SAMD5: variants seen among roughly 807,000 people sequenced by gnomAD.
The protein encoded by SAMD5 is sterile alpha motif domain-containing protein 5.
In SAMD5, 13 loss-of-function variants were observed where a neutral mutation model predicts 11.3. The observed-to-expected ratio is 1.15, with a 90% CI of 0.75 to 1.83. SAMD5 has a LOEUF of 1.83. Ranked by LOEUF, SAMD5 falls within the 40% of genes most tolerant of loss-of-function variation. The pLI, the probability that SAMD5 is intolerant of heterozygous loss-of-function variation, is 0.00. For missense variants in SAMD5, 255 were observed against 239.1 expected, an observed-to-expected ratio of 1.07 and a Z score of -0.44; for synonymous variants, 129 against 111.3, an observed-to-expected ratio of 1.16 and a Z score of -1.00.
At chr6:147,648,673 G>A (rs1024645265) in intron 1 of SAMD5, among the ~76,000 whole-genome samples, 10 of 152,202 alleles carry the variant, frequency 6.6e-5, no homozygotes, top group African/African-American at 2.2e-4. Context: ...TGGAGATGAT[G>A]TGTCTAAAAT....
At chr6:147,562,831 T>A (rs9322100) in intron 1 of SAMD5, among the ~76,000 whole-genome samples, 77,197 of 150,068 alleles carry the variant, frequency 0.51, 19,877 homozygotes, top group East Asian at 0.66. Flanking sequence ...CAAAAAAAAA[T>A]AAATAAATAA....
chr6:147,704,447 T>C (rs188090477), intron 1 of SAMD5, among the ~76,000 whole-genome samples: 2 of 152,164 alleles, frequency 1.3e-5, no homozygotes, highest in East Asian at 3.9e-4. Flanking sequence ...ACATGTCAAA[T>C]AGAAACTGAT....
the SAMD5 span, among the ~76,000 whole-genome samples, chr6:147,929,947 T>G: frequency 4.6e-5 from 7 of 152,190 alleles, no homozygotes; most frequent in African/African-American, 1.7e-4. Context: ...GCATTTAAAA[T>G]GTATGTGAGG....
At chr6:147,894,169 G>A in the SAMD5 span, among the ~76,000 whole-genome samples, 1 of 149,714 alleles carries the variant, frequency 6.7e-6, no homozygotes. Context: ...CTGTCACCAG[G>A]CTGGAGTGCA....
chr6:147,592,445 C>T (rs1384801359), intron 1 of SAMD5, among the ~76,000 whole-genome samples: 1 of 152,052 alleles, frequency 6.6e-6, no homozygotes, highest in East Asian at 1.9e-4. Flanking sequence ...TCAGGGATGG[C>T]TCCCAGAGGA....
At chr6:147,883,378 C>T in the SAMD5 span, among the ~76,000 whole-genome samples, 1 of 152,266 alleles carries the variant, frequency 6.6e-6, no homozygotes, top group African/African-American at 2.4e-5. Flanking sequence ...TGTAATTTGG[C>T]ATTATGATGC....
chr6:147,909,575 T>TTCCTTCCTTCCTTCCTTCCTTCCTTC, the SAMD5 span, among the ~76,000 whole-genome samples: 3 of 57,088 alleles, frequency 5.3e-5, no homozygotes, highest in African/African-American at 3.3e-4. Flanking sequence ...TTTCTTTCTT[T>TTCCTTCCTTCCTTCCTTCCTTCCTTC]CTTTCTTTCT....
chr6:147,678,173 G>A (rs918446458), intron 1 of SAMD5, among the ~76,000 whole-genome samples: 2 of 152,014 alleles, frequency 1.3e-5, no homozygotes, highest in Admixed American at 6.6e-5. Flanking sequence ...TTATCTTCTC[G>A]TTTGCACATT....
At chr6:147,757,955 A>C in the SAMD5 span, among the ~76,000 whole-genome samples, 2 of 152,152 alleles carry the variant, frequency 1.3e-5, no homozygotes, top group Non-Finnish European at 2.9e-5. Context: ...CATTCAACTG[A>C]ATGAAATCAT....
chr6:147,935,036 G>C, the SAMD5 span, among the ~76,000 whole-genome samples: 2 of 151,912 alleles, frequency 1.3e-5, no homozygotes, highest in Admixed American at 1.3e-4. Flanking sequence ...TTAAACAAAT[G>C]TATGACATTG....
intron 1 of SAMD5, among the ~76,000 whole-genome samples, chr6:147,709,924 C>A (rs1791373141): frequency 6.6e-6 from 1 of 152,182 alleles, no homozygotes; most frequent in Non-Finnish European, 1.5e-5. Context: ...CTTGCCGCTT[C>A]TGCCTAAAAC....
chr6:147,777,750 G>T, the SAMD5 span, among the ~76,000 whole-genome samples: 2 of 151,852 alleles, frequency 1.3e-5, no homozygotes, highest in Non-Finnish European at 2.9e-5. Flanking sequence ...CCTCATATAC[G>T]TGGAATCATA....
intron 1 of SAMD5, among the ~76,000 whole-genome samples, chr6:147,604,901 A>T (rs1433339272): frequency 6.6e-6 from 1 of 152,216 alleles, no homozygotes; most frequent in Non-Finnish European, 1.5e-5. Context: ...TTAATAAAAA[A>T]GATAGTGGGG....
At chr6:147,543,567 AG>A (rs758776956) in intron 1 of SAMD5, among the ~76,000 whole-genome samples, 1 of 152,230 alleles carries the variant, frequency 6.6e-6, no homozygotes, top group Non-Finnish European at 1.5e-5. Context: ...TACTTGAGAA[AG>A]GATACCTTGT....
chr6:147,954,289 T>C, the SAMD5 span, among the ~76,000 whole-genome samples: 761 of 152,298 alleles, frequency 5.0e-3, 5 homozygotes, highest in African/African-American at 0.017. Context: ...CATTTTAGGA[T>C]ACCAGATTGA....
intron 1 of SAMD5, among the ~76,000 whole-genome samples, chr6:147,607,473 A>C (rs907634233): frequency 6.6e-6 from 1 of 152,200 alleles, no homozygotes; most frequent in Non-Finnish European, 1.5e-5. Flanking sequence ...ACTGGCATTA[A>C]AAACAGACAC....
intron 1 of SAMD5, among the ~76,000 whole-genome samples, chr6:147,684,013 A>C (rs758396552): frequency 1.3e-5 from 2 of 152,202 alleles, no homozygotes; most frequent in Admixed American, 6.5e-5. Flanking sequence ...ATGAACATAC[A>C]TCTTGATCAG....
chr6:147,942,778 A>G, the SAMD5 span, among the ~76,000 whole-genome samples: 3 of 151,958 alleles, frequency 2.0e-5, no homozygotes, highest in Non-Finnish European at 4.4e-5. Context: ...TGGGAATAGC[A>G]CAACAGGAAA....
At chr6:147,800,322 C>A in the SAMD5 span, among the ~76,000 whole-genome samples, 1 of 152,230 alleles carries the variant, frequency 6.6e-6, no homozygotes, top group Non-Finnish European at 1.5e-5. Flanking sequence ...GTTGGAGTAC[C>A]CTGCAGTGTG....
Sources: allele counts gnomAD v4.1 joint callset (sites outside exome capture counted in the v4.1 genomes callset), GRCh38; gene constraint gnomAD v4.1.1; transcripts MANE v1.5; gene names NCBI Gene and HGNC (gene_info 2026-07-23, HGNC 2026-07-21).